ZRANB3: variants seen among roughly 807,000 people sequenced by gnomAD.
The protein encoded by ZRANB3 is zinc finger RANBP2-type containing 3, also known as DNA annealing helicase and endonuclease ZRANB3.
Under a neutral mutation model 133.8 loss-of-function variants are expected in ZRANB3, and 125 were observed. That is an observed-to-expected ratio of 0.93 (90% CI 0.81 to 1.08). The LOEUF is 1.08. Among genes scored for constraint, ZRANB3 ranks in the 50% least tolerant of loss-of-function variants. The probability of loss-of-function intolerance (pLI) is 0.00; values close to 1 mark genes in which losing one functional copy is unlikely to be tolerated. For synonymous variants in ZRANB3, 387 were observed against 432.7 expected (o/e 0.89, Z 1.31); for missense variants, 1,229 against 1,275.5 (o/e 0.96, Z 0.56).
chr2:135,300,419 A>G (rs1203622662), intron 8 of ZRANB3, among the ~76,000 whole-genome samples: 3 of 152,182 alleles, frequency 2.0e-5, no homozygotes, highest in South Asian at 4.1e-4. Context: ...ATTCCTCAAC[A>G]TAATTTTTCA....
intron 2 of ZRANB3, among the ~76,000 whole-genome samples, chr2:135,404,640 A>G (rs1687917713): frequency 6.6e-6 from 1 of 152,190 alleles, no homozygotes; most frequent in Non-Finnish European, 1.5e-5. Flanking sequence ...ACTCCAAGAC[A>G]CACAATTCTC....
intron 6 of ZRANB3, among the ~76,000 whole-genome samples, chr2:135,316,760 G>A (rs1683271693): frequency 6.6e-6 from 1 of 152,032 alleles, no homozygotes; most frequent in Non-Finnish European, 1.5e-5. Context: ...GAGGTGAAGA[G>A]ATTGAGACCA....
At chr2:135,217,811 ATC>A (rs1301213842) in intron 16 of ZRANB3, among the ~76,000 whole-genome samples, 1 of 152,120 alleles carries the variant, frequency 6.6e-6, no homozygotes, top group Non-Finnish European at 1.5e-5. Context: ...CTCAAGAGAT[ATC>A]TCTTTTTTTT....
intron 19 of ZRANB3, among the ~76,000 whole-genome samples, chr2:135,204,506 G>A (rs1295599500): frequency 6.6e-6 from 1 of 151,376 alleles, no homozygotes; most frequent in Non-Finnish European, 1.5e-5. Flanking sequence ...ACCTCTTGAA[G>A]GAATCACTTG....
chr2:135,259,773 GT>G (rs1365184147), intron 12 of ZRANB3, among the ~76,000 whole-genome samples: 1 of 151,822 alleles, frequency 6.6e-6, no homozygotes, highest in Non-Finnish European at 1.5e-5. Flanking sequence ...CTAAATTAGA[GT>G]CCTTTTTTTT....
At chr2:135,475,277 A>G (rs553133756) in intron 2 of ZRANB3, among the ~76,000 whole-genome samples, 1 of 152,170 alleles carries the variant, frequency 6.6e-6, no homozygotes, top group Non-Finnish European at 1.5e-5. Context: ...TTCACTTAAC[A>G]TTGGGGTCCC....
At chr2:135,323,672 G>A (rs1245380205) in intron 6 of ZRANB3, among the ~76,000 whole-genome samples, 11 of 151,894 alleles carry the variant, frequency 7.2e-5, no homozygotes, top group Admixed American at 7.2e-4. Flanking sequence ...AAATAAAATT[G>A]ATTCAAAAAA....
At chr2:135,408,486 A>G (rs912103047) in intron 2 of ZRANB3, among the ~76,000 whole-genome samples, 2 of 151,968 alleles carry the variant, frequency 1.3e-5, no homozygotes, top group Admixed American at 6.6e-5. Context: ...TATATACCCA[A>G]AGGATTATAA....
At chr2:135,404,682 T>C (rs1298854862) in intron 2 of ZRANB3, among the ~76,000 whole-genome samples, 1 of 151,804 alleles carries the variant, frequency 6.6e-6, no homozygotes, top group East Asian at 1.9e-4. Flanking sequence ...AAGGAAAAAA[T>C]GTTAAGAGCA....
chr2:135,390,142 G>A (rs1687160401), intron 3 of ZRANB3, among the ~76,000 whole-genome samples: 1 of 152,018 alleles, frequency 6.6e-6, no homozygotes, highest in Non-Finnish European at 1.5e-5. Flanking sequence ...GCCTCCCAAA[G>A]TGTTGGGATT....
At chr2:135,342,063 C>T (rs910326622) in intron 6 of ZRANB3, among the ~76,000 whole-genome samples, 1 of 149,924 alleles carries the variant, frequency 6.7e-6, no homozygotes, top group African/African-American at 2.5e-5. Flanking sequence ...TTCGTACACT[C>T]CCTACCTTTT....
At chr2:135,432,938 T>C (rs1442787818) in intron 2 of ZRANB3, among the ~76,000 whole-genome samples, 1 of 152,216 alleles carries the variant, frequency 6.6e-6, no homozygotes, top group African/African-American at 2.4e-5. Flanking sequence ...ATTAGGAGCC[T>C]GTGCCTCTGG....
At chr2:135,356,211 T>C (rs1685427081) in intron 3 of ZRANB3, among the ~76,000 whole-genome samples, 1 of 151,996 alleles carries the variant, frequency 6.6e-6, no homozygotes, top group African/African-American at 2.4e-5. Context: ...GGTGAAGAGA[T>C]ATATTGTCCA....
At chr2:135,283,898 C>T (rs1235865618) in intron 8 of ZRANB3, among the ~76,000 whole-genome samples, 1 of 152,034 alleles carries the variant, frequency 6.6e-6, no homozygotes, top group Admixed American at 6.6e-5. Context: ...GGGAGGACTG[C>T]TTGAGCCCGG....
intron 8 of ZRANB3, among the ~76,000 whole-genome samples, chr2:135,311,632 C>A (rs889816834): frequency 6.6e-6 from 1 of 151,894 alleles, no homozygotes; most frequent in South Asian, 2.1e-4. Flanking sequence ...CACCTATAAC[C>A]CCAGCGCTTT....
At chr2:135,447,714 G>A (rs1690083370) in intron 2 of ZRANB3, among the ~76,000 whole-genome samples, 1 of 152,142 alleles carries the variant, frequency 6.6e-6, no homozygotes, top group African/African-American at 2.4e-5. Flanking sequence ...TGTACTCTGG[G>A]CTGGAACTAC....
intron 6 of ZRANB3, among the ~76,000 whole-genome samples, chr2:135,323,462 T>C (rs1414146263): frequency 6.6e-6 from 1 of 152,108 alleles, no homozygotes; most frequent in Non-Finnish European, 1.5e-5. Flanking sequence ...GAAATGATGA[T>C]GACAGATTAC....
rs1693519065 is a variant in ZRANB3 at position 135,199,276 on chromosome 2, T to C, written c.*1066A>G. 6.7e-6 allele frequency: 1 copy of C among 150,066 alleles called. No homozygotes were observed. The highest frequency in any genetic ancestry group is 1.5e-5 in the Non-Finnish European group (1 of 67,816). 9.3% of individuals were successfully genotyped at this position (150,066 alleles called of 1,614,324 possible). On this transcript the variant is annotated 3_prime_UTR_variant, in exon 21 of 21. Transcript: ENST00000264159. ...AACCAGAAGACAAAGTGTATTTTGA[T>C]AGTACGCTTAGTTTTTTTTTTTGTT...
At chr2:135,447,266 T>C (rs1011339066) in intron 2 of ZRANB3, among the ~76,000 whole-genome samples, 1 of 152,300 alleles carries the variant, frequency 6.6e-6, no homozygotes, top group African/African-American at 2.4e-5. Context: ...CTTGAACTCC[T>C]GACCTCAGGT....
Sources: allele counts gnomAD v4.1 joint callset (sites outside exome capture counted in the v4.1 genomes callset), GRCh38; gene constraint gnomAD v4.1.1; transcripts MANE v1.5; gene names NCBI Gene and HGNC (gene_info 2026-07-23, HGNC 2026-07-21).